SLC1A7: variants seen among roughly 807,000 people sequenced by gnomAD.
SLC1A7 encodes solute carrier family 1 member 7, also known as excitatory amino acid transporter 5.
SLC1A7 carries 40 observed loss-of-function variants against 47.7 expected under a neutral mutation model. That is an observed-to-expected ratio of 0.84 (90% confidence interval 0.65 to 1.09). SLC1A7 has a LOEUF of 1.09. Ranked by LOEUF, SLC1A7 falls within the 50% of genes least tolerant of loss-of-function variation. The pLI, the probability that SLC1A7 is intolerant of heterozygous loss-of-function variation, is 0.00. For synonymous variants in SLC1A7, 323 were observed against 325.6 expected (o/e 0.99, Z 0.09); for missense variants, 746 against 769.5 (o/e 0.97, Z 0.36).
intron 8 of SLC1A7, 167 bp downstream of exon 8, chr1:53,090,445 C>G: frequency 9.0e-7 from 1 of 1,115,244 alleles, no homozygotes; most frequent in Non-Finnish European, 1.2e-6. Flanking sequence ...CAATGCCCTC[C>G]CTCCCGGGCT....
At chr1:53,092,497 A>G in intron 7 of SLC1A7, 57 bp downstream of exon 7, 1 of 1,278,684 alleles carries the variant, frequency 7.8e-7, no homozygotes, top group Middle Eastern at 2.0e-4. Context: ...GGCTGGACAG[A>G]CGGACAGGGC....
At chr1:53,136,613 T>TATATAAAC (rs1446992168) in intron 1 of SLC1A7, among the ~76,000 whole-genome samples, 2 of 8,320 alleles carry the variant, frequency 2.4e-4, no homozygotes, top group Non-Finnish European at 4.7e-4. Flanking sequence ...ACATATATAA[T>TATATAAAC]ATATATAAAC....
intron 3 of SLC1A7, among the ~76,000 whole-genome samples, chr1:53,106,766 T>G (rs1644647255): frequency 6.6e-6 from 1 of 152,234 alleles, no homozygotes; most frequent in Non-Finnish European, 1.5e-5. Flanking sequence ...CATTATAGAA[T>G]GCTGTGCAGC....
At position 53,092,056 on chromosome 1, in the gene SLC1A7, T is replaced by A. The variant is rs577065007; in HGVS notation, c.1031+498A>T. Among the ~76,000 whole-genome samples, 13 of 152,212 alleles carry A rather than the reference T, an allele frequency of 8.5e-5. No individual in the cohort carries two copies. In the East Asian group the frequency reaches 2.3e-3, roughly 27 times the overall value. ...GCTGGAGTCTCCCCCAGTCTGTGCA[T>A]GAGGAAAGCAATGCCCAGGCACAGC... On this transcript the variant is annotated intron_variant, in intron 7 of 10. Transcript: ENST00000371494.
At chr1:53,128,995 A>G (rs1225049539) in intron 2 of SLC1A7, among the ~76,000 whole-genome samples, 1 of 140,596 alleles carries the variant, frequency 7.1e-6, no homozygotes, top group African/African-American at 2.6e-5. Flanking sequence ...CCTGGCCAAC[A>G]TGGTGAAACC....
chr1:53,104,394 CACA>C, intron 4 of SLC1A7, among the ~76,000 whole-genome samples: 1 of 152,156 alleles, frequency 6.6e-6, no homozygotes, highest in South Asian at 2.1e-4. Context: ...GCTGGAGATA[CACA>C]AATGAACCTG....
rs369738167 is a variant in SLC1A7, at chr1:53,088,975, G to A, written c.1366C>T (p.Arg456Cys). 8.7e-6 allele frequency: 14 copies of A among 1,613,648 alleles called. No individual in the cohort carries two copies. Among genetic ancestry groups the A allele is most frequent in the Admixed American group, 3.3e-5 (2 of 59,994 alleles). The change falls in exon 10 of 11, where the codon CGT (arginine) becomes TGT (cysteine). Residue 456 changes from arginine to cysteine, a missense_variant. Coordinates refer to ENST00000371494, the MANE Select transcript of SLC1A7 (RefSeq NM_006671.6). ...AGCACGTTAATCATGGTGCGGAAAC[G>A]GTCCCTGGTGAGCCAAGGTTGGGGG... ...LIIAVDWALD[R>C]FRTMINVLGD...
intron 2 of SLC1A7, among the ~76,000 whole-genome samples, chr1:53,116,847 C>T (rs942150900): frequency 6.6e-6 from 1 of 152,208 alleles, no homozygotes; most frequent in Non-Finnish European, 1.5e-5. Context: ...TCAAACCTTT[C>T]GCACATGCCC....
chr1:53,136,655 T>C lies in SLC1A7; in HGVS notation c.136-2226A>G, dbSNP rs1228414504. On this transcript the variant is annotated intron_variant, in intron 1 of 10. Transcript: ENST00000371494. ...AATATATAAAAACATATATATATTATATATATATATATTTTTTTTTTTTTT... is the reference window on the plus strand; with the variant it reads ...AATATATAAAAACATATATATATTACATATATATATATTTTTTTTTTTTTT... 5.2e-3 allele frequency among the ~76,000 whole-genome samples: 231 copies of C among 44,380 alleles called. 2 individuals carry two copies. The highest frequency in any genetic ancestry group is 7.5e-3 in the Non-Finnish European group (193 of 25,856). 29.1% of individuals were successfully genotyped at this position (44,380 alleles called of 152,430 possible).
At chr1:53,099,051 T>C (rs1433309685) in intron 5 of SLC1A7, among the ~76,000 whole-genome samples, 1 of 142,734 alleles carries the variant, frequency 7.0e-6, no homozygotes, top group Non-Finnish European at 1.5e-5. Flanking sequence ...CTCTGTACAC[T>C]CACAACCCAC....
At chr1:53,106,360 G>A (rs751583431) in intron 3 of SLC1A7, among the ~76,000 whole-genome samples, 23 of 151,910 alleles carry the variant, frequency 1.5e-4, no homozygotes, top group Non-Finnish European at 2.9e-4. Context: ...GCTCACGCCT[G>A]TAATCCCAGC....
At chr1:53,098,902 G>A (rs999477944) in intron 5 of SLC1A7, among the ~76,000 whole-genome samples, 16 of 138,032 alleles carry the variant, frequency 1.2e-4, no homozygotes, top group East Asian at 7.1e-4. Context: ...CCACACCACC[G>A]TAGTACACTC....
At chr1:53,126,979 C>A (rs961836196) in intron 2 of SLC1A7, among the ~76,000 whole-genome samples, 1 of 151,592 alleles carries the variant, frequency 6.6e-6, no homozygotes, top group African/African-American at 2.4e-5. Flanking sequence ...CCTCCCACCT[C>A]AGCCTCCCAA....
chr1:53,139,352 C>T (rs1025784510), intron 1 of SLC1A7, among the ~76,000 whole-genome samples: 8 of 152,194 alleles, frequency 5.3e-5, no homozygotes, highest in Admixed American at 2.0e-4. Context: ...GATCTGAAAC[C>T]GTGCTGGGGA....
chr1:53,102,190 A>T (rs1226180641), intron 5 of SLC1A7: 1 of 152,250 alleles, frequency 6.6e-6, no homozygotes, highest in African/African-American at 2.4e-5. Flanking sequence ...GCCCCTCTGC[A>T]CACCTGGCGT....
intron 5 of SLC1A7, among the ~76,000 whole-genome samples, chr1:53,097,178 C>T (rs1009628939): frequency 2.9e-4 from 44 of 151,514 alleles, no homozygotes; most frequent in African/African-American, 1.0e-3. Context: ...AGTACACTCA[C>T]AGATACCACC....
At chr1:53,094,582 G>A (rs1230681761) in intron 5 of SLC1A7, among the ~76,000 whole-genome samples, 4 of 152,234 alleles carry the variant, frequency 2.6e-5, no homozygotes, top group Non-Finnish European at 5.9e-5. Flanking sequence ...ACAGTCCATG[G>A]AGCAGCTACC....
At chr1:53,091,095 G>T in intron 7 of SLC1A7, 1 of 782,356 alleles carries the variant, frequency 1.3e-6, no homozygotes, top group Non-Finnish European at 2.0e-6. Flanking sequence ...CTGAGCAGCA[G>T]GGCCCTGGGC....
At chr1:53,135,150 G>A (rs1488847840) in intron 1 of SLC1A7, among the ~76,000 whole-genome samples, 1 of 152,116 alleles carries the variant, frequency 6.6e-6, no homozygotes, top group Non-Finnish European at 1.5e-5. Context: ...TCTGCACCAC[G>A]CATCTGCCTA....
Sources: gnomAD v4.1 joint callset for allele counts (sites outside exome capture counted in the v4.1 genomes callset) on GRCh38, gnomAD v4.1.1 for gene constraint, MANE v1.5 for transcripts, NCBI Gene and HGNC (gene_info 2026-07-23, HGNC 2026-07-21) for gene names.